Variants in TMEM63A observed in about 807,000 individuals in gnomAD.
TMEM63A encodes transmembrane protein 63A, also known as mechanosensitive cation channel TMEM63A.
In TMEM63A, 76 loss-of-function variants were observed where a neutral mutation model predicts 100.6. The ratio of observed to expected loss-of-function variants is 0.76; its 90% CI spans 0.63 to 0.91. The LOEUF (loss-of-function observed/expected upper bound fraction) is 0.91, where lower values mean the gene tolerates loss of function less well. Ranked by LOEUF, TMEM63A falls within the 40% of genes least tolerant of loss-of-function variation. The pLI is 0.00. For missense variants in TMEM63A, 876 were observed against 1,008.8 expected (o/e 0.87, Z 1.78); for synonymous variants, 401 against 401.1 (o/e 1.00, Z 0.00).
At chr1:225,860,740 G>A in intron 14 of TMEM63A, 120 bp downstream of exon 14, 3 of 1,289,138 alleles carry the variant, frequency 2.3e-6, no homozygotes, top group Non-Finnish European at 3.1e-6. Flanking sequence ...ACAGCCCACA[G>A]AATTGCAGAT....
In TMEM63A at chr1:225,848,934, A is replaced by G. The variant is rs765505351; in HGVS notation, c.2150T>C (p.Phe717Ser). 12 of 1,603,574 alleles carry G rather than the reference A, an allele frequency of 7.5e-6. No homozygotes were observed. The highest frequency in any genetic ancestry group is 3.5e-5 in the Admixed American group (2 of 57,882). Residue 717 changes from phenylalanine to serine, a missense_variant, in exon 22 of 25, where the codon TTT (phenylalanine) becomes TCT (serine). Coordinates refer to ENST00000366835, the MANE Select transcript of TMEM63A (RefSeq NM_014698.3). Reference protein sequence around the residue: ...TILVCLAHTCFGCFKHLSPLN... With the variant: ...TILVCLAHTCSGCFKHLSPLN... Reference sequence around the variant, plus strand: ...AGGGCTGAGGTGCTTGAAGCATCCAAAGCAGGTGTGAGCCAGGCAGACCAG... The same window carrying G: ...AGGGCTGAGGTGCTTGAAGCATCCAGAGCAGGTGTGAGCCAGGCAGACCAG...
intron 18 of TMEM63A, among the ~76,000 whole-genome samples, chr1:225,855,422 G>A (rs1669567194): frequency 1.3e-5 from 2 of 152,160 alleles, no homozygotes; most frequent in South Asian, 4.1e-4. Context: ...TAAGTGGCAT[G>A]GTATAAGTTT....
intron 1 of TMEM63A, among the ~76,000 whole-genome samples, chr1:225,881,658 T>G (rs1671095317): frequency 6.6e-6 from 1 of 152,188 alleles, no homozygotes; most frequent in Admixed American, 6.5e-5. Context: ...TGTCCACCCC[T>G]GCCCTTGAAG....
chr1:225,871,973 C>T lies in TMEM63A; in HGVS notation c.333+14G>A. On this transcript the variant is annotated intron_variant, in intron 5 of 24. Coordinates refer to ENST00000366835, the MANE Select transcript of TMEM63A (RefSeq NM_014698.3). ...CCCCCTGGCCATGACCACAACTGGG[C>T]CTTAGATACCAACCAGCTCATTTTC... 1 of 1,607,696 alleles carries T rather than the reference C, an allele frequency of 6.2e-7. No individual in the cohort carries two copies. The highest frequency in any genetic ancestry group is 1.7e-5 in the Admixed American group (1 of 59,866).
chr1:225,868,474 G>A (rs568522857), intron 6 of TMEM63A, among the ~76,000 whole-genome samples: 5 of 151,416 alleles, frequency 3.3e-5, no homozygotes, highest in African/African-American at 1.2e-4. Flanking sequence ...TCAGGAGTTC[G>A]AGACCAGCCT....
intron 14 of TMEM63A, 176 bp from the exon 15 acceptor site, chr1:225,859,525 AATTAT>A: frequency 1.3e-6 from 1 of 742,456 alleles, no homozygotes; most frequent in South Asian, 1.9e-5. Flanking sequence ...CAGAGGGAAC[AATTAT>A]TCTCTCAGAT....
At position 225,846,900 on chromosome 1, in the gene TMEM63A, C is replaced by T; in HGVS notation, c.*39G>A. ...TCAGCCAAGGGCCTGAGCCCCAGGC[C>T]ATTCTGGTTGTGTCTTTTCAGAGCA... On this transcript the variant is annotated 3_prime_UTR_variant, in exon 25 of 25. Transcript: ENST00000366835. 9.1e-7 allele frequency: 1 copy of T among 1,103,592 alleles called. No individual in the cohort carries two copies. The highest frequency in any genetic ancestry group is 1.2e-6 in the Non-Finnish European group (1 of 803,068). The allele number at this position is 1,103,592 out of a possible 1,614,324, so 68.4% of individuals were successfully genotyped here. A position where few individuals can be genotyped will look rare whatever the true frequency, so the allele number is the denominator to read the frequency against.
At chr1:225,861,934 G>C in intron 13 of TMEM63A, 1 of 497,212 alleles carries the variant, frequency 2.0e-6, no homozygotes. Flanking sequence ...GTCCAGGGCA[G>C]CAGGGAAGAG....
chr1:225,872,033 A>C lies in TMEM63A; in HGVS notation c.287T>G (p.Leu96Trp). The change falls in exon 5 of 25, where the codon TTG (leucine) becomes TGG (tryptophan). Residue 96 changes from leucine (L) to tryptophan (W), a missense_variant. Physicochemically the swap from Leu to Trp is moderately conservative, Grantham distance 61. Transcript: ENST00000366835. ...EADSESRFQRLSSTSSSGQQD... is the reference protein window; with the variant it reads ...EADSESRFQRWSSTSSSGQQD... The stretch of plus-strand genomic sequence containing the variant: ...TTGACCTGAGGAGGAAGTCGATGAC[A>C]ATCTCTGAAATCTGGACTCGCTAGA... 1 of 1,613,280 alleles carries C rather than the reference A, an allele frequency of 6.2e-7. No individual in the cohort carries two copies. Among genetic ancestry groups the C allele is most frequent in the Non-Finnish European group, 8.5e-7 (1 of 1,179,356 alleles).
intron 4 of TMEM63A, 80 bp downstream of exon 4, chr1:225,874,208 G>T: frequency 1.5e-6 from 2 of 1,355,000 alleles, no homozygotes; most frequent in Non-Finnish European, 2.1e-6. Context: ...ATGCACACAC[G>T]CACATATACA....
chr1:225,848,654 C>A, intron 22 of TMEM63A, 100 bp from the exon 23 acceptor site: 2 of 1,267,440 alleles, frequency 1.6e-6, no homozygotes, highest in Non-Finnish European at 2.2e-6. Context: ...AATAATAGTA[C>A]CAGCTGGCAC....
At chr1:225,859,939 C>T (rs967059704) in intron 14 of TMEM63A, 2 of 156,502 alleles carry the variant, frequency 1.3e-5, no homozygotes, top group South Asian at 1.9e-4. Flanking sequence ...GAGCACCACG[C>T]CCGGCCCCAG....
chr1:225,842,585 A>G (rs1024934653), downstream of TMEM63A: 9 of 840,324 alleles, frequency 1.1e-5, no homozygotes, highest in East Asian at 2.4e-5. Context: ...AGCAAATTCT[A>G]TTGTTGGCTT....
rs755816321 is a variant in TMEM63A, at chr1:225,871,063, C to T, written c.371+13G>A. On this transcript the variant is annotated intron_variant, in intron 6 of 24. Transcript: ENST00000366835. Reference sequence around the variant, plus strand: ...CCAAAGGCCCCCCAGCAGCTGCCCCCGGGTGTACTCACTGCAGACGGAAGA... The same window carrying T: ...CCAAAGGCCCCCCAGCAGCTGCCCCTGGGTGTACTCACTGCAGACGGAAGA... 4 of 1,613,662 alleles carry T rather than the reference C, an allele frequency of 2.5e-6. No homozygotes were observed. Among genetic ancestry groups the T allele is most frequent in the Non-Finnish European group, 3.4e-6 (4 of 1,179,704 alleles).
intron 17 of TMEM63A, among the ~76,000 whole-genome samples, 174 bp from the exon 18 acceptor site, chr1:225,856,114 C>G (rs1669597630): frequency 6.6e-6 from 1 of 152,138 alleles, no homozygotes. Flanking sequence ...ACAGAAACTT[C>G]CTTCCTTGAG....
At position 225,853,514 on chromosome 1, in the gene TMEM63A, T is replaced by C; in HGVS notation, c.1797+115A>G. On this transcript the variant is annotated intron_variant, in intron 19 of 24. Coordinates refer to ENST00000366835, the MANE Select transcript of TMEM63A (RefSeq NM_014698.3). The surrounding 1 kb of genome is among the most constrained non-coding windows in gnomAD (Gnocchi z 4.0). ...TTAGCCCAGTGCCTGCACTAGTGGG[T>C]AGTCAGGTAAATGCTACCCACTAGT... is the stretch of plus-strand genomic sequence containing the variant. 9.1e-7 allele frequency: 1 copy of C among 1,099,814 alleles called. No individual in the cohort carries two copies. The highest frequency in any genetic ancestry group is 1.3e-6 in the Non-Finnish European group (1 of 799,222). The allele number at this position is 1,099,814 out of a possible 1,614,324, so 68.1% of individuals were successfully genotyped here.
chr1:225,844,755 GGATGGGAA>G, downstream of TMEM63A: 1 of 1,414,404 alleles, frequency 7.1e-7, no homozygotes, highest in Non-Finnish European at 9.6e-7. Context: ...AGGGGCCCTT[GGATGGGAA>G]CACTAAAGGT....
chr1:225,860,899 C>T lies in TMEM63A; in HGVS notation c.1184G>A (p.Trp395Ter). 1 of 1,611,952 alleles carries T rather than the reference C, an allele frequency of 6.2e-7. No homozygotes were observed. ...SHSRELYTSK[W>*]TVTFAADPED... ...AGGGTCAGCAGCAAAGGTGACTGTC[C>T]ACTTGGAGGTATAGAGCTCCCTGCT... is the stretch of plus-strand genomic sequence containing the variant. Residue 395 changes from tryptophan to a stop codon, truncating the protein, a stop_gained, in exon 14 of 25, where the codon TGG becomes TAG. Transcript: ENST00000366835. LOFTEE classifies it high-confidence loss of function.
Position 225,862,996 on chromosome 1 carries a change from T to A in TMEM63A, c.747-145A>T, listed in dbSNP as rs1447045922. The A allele has an allele frequency of 1.4e-6, 1 of 721,510 alleles. No individual in the cohort carries two copies. Among genetic ancestry groups the A allele is most frequent in the Non-Finnish European group, 2.4e-6 (1 of 421,674 alleles). The allele number at this position is 721,510 out of a possible 1,614,324, so 44.7% of individuals were successfully genotyped here. A position where few individuals can be genotyped will look rare whatever the true frequency, so the allele number is the denominator to read the frequency against. On this transcript the variant is annotated intron_variant, in intron 10 of 24. Coordinates refer to ENST00000366835, the MANE Select transcript of TMEM63A (RefSeq NM_014698.3). The surrounding 1 kb of genome is among the most constrained non-coding windows in gnomAD (Gnocchi z 5.1). ...TGCCAGCGGAGACCTCTCTTCTCTTTGTCTTTTATCCTCCAAAAGGGGGAA... is the reference window on the plus strand; with the variant it reads ...TGCCAGCGGAGACCTCTCTTCTCTTAGTCTTTTATCCTCCAAAAGGGGGAA...
Sources: allele counts gnomAD v4.1 joint callset (sites outside exome capture counted in the v4.1 genomes callset), GRCh38; gene constraint gnomAD v4.1.1; non-coding constraint Gnocchi (gnomAD v3.1); transcripts MANE v1.5; gene names NCBI Gene and HGNC (gene_info 2026-07-23, HGNC 2026-07-21).